Variants in IQCM observed in about 807,000 individuals in gnomAD.
The protein encoded by IQCM is IQ domain-containing protein M.
Under a neutral mutation model 57.6 loss-of-function variants are expected in IQCM, and 45 were observed. The ratio of observed to expected loss-of-function variants is 0.78; its 90% confidence interval spans 0.62 to 1.00. The LOEUF (loss-of-function observed/expected upper bound fraction) is 1.00, where lower values mean the gene tolerates loss of function less well. Ranked by LOEUF, IQCM falls within the 50% of genes least tolerant of loss-of-function variation. The probability of loss-of-function intolerance (pLI) is 0.00; values close to 1 mark genes in which losing one functional copy is unlikely to be tolerated. For missense variants in IQCM, 468 were observed against 511.6 expected (o/e 0.91, Z 0.82); for synonymous variants, 148 against 158.9 (o/e 0.93, Z 0.51).
At chr4:149,675,768 A>C (rs1364247871) in intron 7 of IQCM, among the ~76,000 whole-genome samples, 3 of 152,030 alleles carry the variant, frequency 2.0e-5, no homozygotes, top group Non-Finnish European at 4.4e-5. Context: ...GAATCTTGCC[A>C]GGAGCTGACT....
At chr4:149,579,121 G>A (rs574077070) in intron 9 of IQCM, among the ~76,000 whole-genome samples, 6 of 151,794 alleles carry the variant, frequency 4.0e-5, no homozygotes, top group East Asian at 2.0e-4. Context: ...CTCCTTGGAC[G>A]ATTTTCTTCA....
intron 5 of IQCM, among the ~76,000 whole-genome samples, chr4:149,721,799 G>A (rs886250948): frequency 2.0e-5 from 3 of 152,112 alleles, no homozygotes; most frequent in African/African-American, 4.8e-5. Context: ...TTTCCTTTGC[G>A]TAGATACCCA....
chr4:149,809,192 G>A (rs1357297386), intron 2 of IQCM, among the ~76,000 whole-genome samples: 1 of 150,628 alleles, frequency 6.6e-6, no homozygotes, highest in Non-Finnish European at 1.5e-5. Context: ...GAACCTGGGA[G>A]GTAGAGGGTG....
At chr4:149,741,406 G>A (rs1192109485) in intron 3 of IQCM, among the ~76,000 whole-genome samples, 2 of 152,146 alleles carry the variant, frequency 1.3e-5, no homozygotes, top group African/African-American at 4.8e-5. Context: ...AGGAGATGTA[G>A]GGAAATGCCA....
chr4:149,507,202 G>T (rs1376254989), intron 12 of IQCM, among the ~76,000 whole-genome samples: 1 of 152,114 alleles, frequency 6.6e-6, no homozygotes, highest in Non-Finnish European at 1.5e-5. Context: ...CCCAGTCTTG[G>T]GTATGCCTTT....
At chr4:149,770,871 C>T (rs896105606) in intron 2 of IQCM, among the ~76,000 whole-genome samples, 13 of 152,074 alleles carry the variant, frequency 8.5e-5, no homozygotes, top group Admixed American at 2.6e-4. Flanking sequence ...GGGTCAGGAA[C>T]GACACAAAGA....
chr4:149,383,926 C>A (rs1381240516), intron 13 of IQCM, among the ~76,000 whole-genome samples: 1 of 152,018 alleles, frequency 6.6e-6, no homozygotes, highest in African/African-American at 2.4e-5. Flanking sequence ...GCACTCTAGC[C>A]TGGGGAAGAA....
intron 9 of IQCM, 59 bp downstream of exon 9, chr4:149,587,871 T>C (rs913839775): frequency 1.3e-5 from 10 of 791,214 alleles, no homozygotes; most frequent in South Asian, 6.5e-5. Context: ...AGCAATTACA[T>C]TGATAACAAC....
At chr4:149,408,383 G>T (rs1241090267) in intron 13 of IQCM, among the ~76,000 whole-genome samples, 1 of 152,168 alleles carries the variant, frequency 6.6e-6, no homozygotes, top group African/African-American at 2.4e-5. Flanking sequence ...CATCCTGAAA[G>T]CTACAAGAGC....
At chr4:149,665,657 G>C (rs1579916499) in intron 7 of IQCM, among the ~76,000 whole-genome samples, 1 of 152,146 alleles carries the variant, frequency 6.6e-6, no homozygotes, top group Admixed American at 6.5e-5. Context: ...TTTAGAGAGA[G>C]ATTGCTATCC....
intron 9 of IQCM, among the ~76,000 whole-genome samples, chr4:149,568,163 C>T (rs560731673): frequency 1.8e-3 from 267 of 152,202 alleles, no homozygotes; most frequent in Non-Finnish European, 2.8e-3. Context: ...ATGGAAGTCC[C>T]CTCTCTGATT....
intron 5 of IQCM, among the ~76,000 whole-genome samples, chr4:149,713,893 A>T (rs1369293822): frequency 8.5e-5 from 13 of 152,164 alleles, no homozygotes. Context: ...CTATCAGTAT[A>T]AAAATATATT....
At chr4:149,754,085 C>T (rs1179022778) in intron 2 of IQCM, among the ~76,000 whole-genome samples, 2 of 152,178 alleles carry the variant, frequency 1.3e-5, no homozygotes, top group African/African-American at 4.8e-5. Context: ...TTCTAGTGAA[C>T]TCTGTGACTA....
chr4:149,601,285 AG>A (rs1180210669), intron 8 of IQCM, among the ~76,000 whole-genome samples: 7 of 152,148 alleles, frequency 4.6e-5, no homozygotes, highest in Admixed American at 4.6e-4. Flanking sequence ...TAGAGTAGAC[AG>A]GGCCAAAAAT....
intron 13 of IQCM, among the ~76,000 whole-genome samples, chr4:149,384,395 G>T (rs974591406): frequency 1.3e-5 from 2 of 152,180 alleles, no homozygotes; most frequent in Middle Eastern, 3.4e-3. Context: ...TTTTGTGAAG[G>T]TTTCCTGCTC....
chr4:149,682,049 T>G (rs911038183), intron 7 of IQCM, 69 bp downstream of exon 7: 24 of 550,880 alleles, frequency 4.4e-5, no homozygotes, highest in East Asian at 2.8e-4. Flanking sequence ...CTCTTTGTTT[T>G]TGCATTTAAA....
At chr4:149,416,115 C>A (rs529333325) in intron 13 of IQCM, among the ~76,000 whole-genome samples, 1 of 151,420 alleles carries the variant, frequency 6.6e-6, no homozygotes, top group Non-Finnish European at 1.5e-5. Flanking sequence ...TGCTTATGAC[C>A]CATAAAAAAA....
At chr4:149,785,848 G>A (rs1330869751) in intron 2 of IQCM, among the ~76,000 whole-genome samples, 1 of 151,186 alleles carries the variant, frequency 6.6e-6, no homozygotes, top group Non-Finnish European at 1.5e-5. Context: ...TAGCCCTCAA[G>A]CTGCACAAAA....
intron 2 of IQCM, among the ~76,000 whole-genome samples, chr4:149,755,346 A>G (rs1250608482): frequency 6.6e-6 from 1 of 152,058 alleles, no homozygotes; most frequent in African/African-American, 2.4e-5. Context: ...ACACACCCCT[A>G]CATTATCTGT....
Sources: allele counts gnomAD v4.1 joint callset (sites outside exome capture counted in the v4.1 genomes callset), GRCh38; gene constraint gnomAD v4.1.1; transcripts MANE v1.5; gene names NCBI Gene and HGNC (gene_info 2026-07-23, HGNC 2026-07-21).